Variants in ZNF560 observed in about 807,000 individuals in gnomAD.
ZNF560 encodes the protein zinc finger protein 560.
A neutral mutation model predicts 81.8 loss-of-function variants in ZNF560; 54 were observed. The ratio of observed to expected loss-of-function variants is 0.66; its 90% CI spans 0.53 to 0.83. The LOEUF (loss-of-function observed/expected upper bound fraction) is 0.83, where lower values mean the gene tolerates loss of function less well. Ranked by LOEUF, ZNF560 falls within the 40% of genes least tolerant of loss-of-function variation. The probability of loss-of-function intolerance (pLI) is 0.00; values close to 1 mark genes in which losing one functional copy is unlikely to be tolerated. For missense variants in ZNF560, 940 were observed against 932.4 expected, an observed-to-expected ratio of 1.01 and a Z score of -0.11; for synonymous variants, 321 against 317.9, an observed-to-expected ratio of 1.01 and a Z score of -0.10.
chr19:9,496,174 G>A (rs551750968), intron 2 of ZNF560, among the ~76,000 whole-genome samples: 22 of 152,062 alleles, frequency 1.4e-4, no homozygotes, highest in East Asian at 7.8e-4. Context: ...GAACGTTGCC[G>A]GGGAACAAGA....
chr19:9,462,694 T>A (rs1187015951), downstream of ZNF560, among the ~76,000 whole-genome samples: 1 of 152,182 alleles, frequency 6.6e-6, no homozygotes, highest in Non-Finnish European at 1.5e-5. Flanking sequence ...TCCATTATAC[T>A]CAAACTGCAT....
chr19:9,500,013 A>G (rs1290433070), upstream of ZNF560, among the ~76,000 whole-genome samples: 1 of 152,186 alleles, frequency 6.6e-6, no homozygotes, highest in East Asian at 1.9e-4. Context: ...AATATCACCT[A>G]TAAATATATT....
chr19:9,471,405 T>G lies in ZNF560; in HGVS notation c.239-27A>C, dbSNP rs752581132. On this transcript the variant is annotated intron_variant, in intron 5 of 9. Coordinates refer to ENST00000301480, the MANE Select transcript of ZNF560 (RefSeq NM_152476.3). ...TGAAACAAAAACATAAACTGAGGTT[T>G]TTTTTTTTTTTAAAAAAAAAGGTAA... 61 of 1,430,542 alleles carry G rather than the reference T, an allele frequency of 4.3e-5. No individual in the cohort carries two copies. In the African/African-American group the frequency reaches 7.6e-4, roughly 18 times the overall value. The allele number at this position is 1,430,542 out of a possible 1,614,324, so 88.6% of individuals were successfully genotyped here.
intron 2 of ZNF560, among the ~76,000 whole-genome samples, chr19:9,477,671 T>A (rs1368301903): frequency 6.6e-6 from 1 of 152,186 alleles, no homozygotes. Context: ...ATTTGATGGG[T>A]CTTCTCAGAA....
chr19:9,476,547 C>T (rs546800793), intron 2 of ZNF560, among the ~76,000 whole-genome samples: 2 of 152,228 alleles, frequency 1.3e-5, no homozygotes, highest in Non-Finnish European at 2.9e-5. Context: ...GCCTTGGCCT[C>T]CCAAAGTGCT....
In ZNF560 at chr19:9,467,865, G is replaced by A. The variant is rs1309393657; in HGVS notation, c.1082C>T (p.Thr361Ile). 7.4e-6 allele frequency: 12 copies of A among 1,614,064 alleles called. 1 individual carries two copies. The highest frequency in any genetic ancestry group is 1.7e-5 in the Admixed American group (1 of 60,004). The change falls in exon 10 of 10, where the codon ACC becomes ATC. Residue 361 changes from threonine (T) to isoleucine (I), a missense_variant. By Grantham distance (89) the Thr-to-Ile change is moderately conservative. Coordinates refer to ENST00000301480, the MANE Select transcript of ZNF560 (RefSeq NM_152476.3). ...KECGKDFRYP[T>I]HLNNHMQTHI... ...GGTTTGCATGTGATTATTAAGGTGG[G>A]TAGGGTATCTAAAATCTTTTCCACA...
At chr19:9,483,523 C>T (rs1388059224) in intron 2 of ZNF560, among the ~76,000 whole-genome samples, 7 of 143,156 alleles carry the variant, frequency 4.9e-5, no homozygotes, top group African/African-American at 1.0e-4. Context: ...CCGCCCCGTC[C>T]GGGAGGGGGG....
At chr19:9,487,823 A>G (rs1437756645) in intron 2 of ZNF560, among the ~76,000 whole-genome samples, 1 of 152,242 alleles carries the variant, frequency 6.6e-6, no homozygotes, top group South Asian at 2.1e-4. Context: ...CCTGTTTGTT[A>G]GAATGCTGAG....
chr19:9,495,089 G>A (rs549012646), intron 2 of ZNF560, among the ~76,000 whole-genome samples: 11 of 152,148 alleles, frequency 7.2e-5, no homozygotes, highest in South Asian at 4.1e-4. Context: ...GGAGCAAGCC[G>A]AGGTTGCACC....
chr19:9,485,545 A>G (rs2073372182), intron 2 of ZNF560, among the ~76,000 whole-genome samples: 1 of 151,396 alleles, frequency 6.6e-6, no homozygotes, highest in East Asian at 2.0e-4. Context: ...ACATTAACCA[A>G]AAGATTTTTT....
chr19:9,505,013 A>C, the ZNF560 span, among the ~76,000 whole-genome samples: 1 of 152,208 alleles, frequency 6.6e-6, no homozygotes, highest in African/African-American at 2.4e-5. Context: ...TGAACCTGGG[A>C]GGTGGAGGTT....
At chr19:9,478,615 A>G (rs946374323) in intron 2 of ZNF560, among the ~76,000 whole-genome samples, 37 of 152,196 alleles carry the variant, frequency 2.4e-4, no homozygotes, top group Non-Finnish European at 4.9e-4. Context: ...CAATATAAAA[A>G]TATGTAAATT....
downstream of ZNF560, among the ~76,000 whole-genome samples, chr19:9,462,821 G>A (rs1008411599): frequency 2.0e-5 from 3 of 152,154 alleles, no homozygotes; most frequent in Non-Finnish European, 2.9e-5. Context: ...TCAAGGGCAA[G>A]TACAGTCAGT....
At chr19:9,497,534 CAAA>C (rs58468618) in intron 2 of ZNF560, among the ~76,000 whole-genome samples, 106 of 67,536 alleles carry the variant, frequency 1.6e-3, no homozygotes, top group African/African-American at 4.3e-3. Context: ...GACCCCCTCT[CAAA>C]AAAAAAAAAA....
At chr19:9,486,095 G>A (rs1052091560) in intron 2 of ZNF560, among the ~76,000 whole-genome samples, 1 of 152,066 alleles carries the variant, frequency 6.6e-6, no homozygotes, top group Non-Finnish European at 1.5e-5. Flanking sequence ...CTATTGCCAG[G>A]GTCCCTTCTT....
chr19:9,464,245 T>C (rs922125005), downstream of ZNF560, among the ~76,000 whole-genome samples: 1 of 152,208 alleles, frequency 6.6e-6, no homozygotes, highest in Non-Finnish European at 1.5e-5. Flanking sequence ...ACAGGAGTTT[T>C]TCTGTTTTCA....
At chr19:9,456,132 C>A in the ZNF560 span, among the ~76,000 whole-genome samples, 1 of 152,186 alleles carries the variant, frequency 6.6e-6, no homozygotes, top group African/African-American at 2.4e-5. Context: ...CAGACCACTC[C>A]CTCACCCCTG....
At chr19:9,476,283 G>A (rs2073200725) in intron 2 of ZNF560, among the ~76,000 whole-genome samples, 1 of 151,878 alleles carries the variant, frequency 6.6e-6, no homozygotes, top group South Asian at 2.1e-4. Flanking sequence ...ATCTGATGGT[G>A]GGTTTTTTTT....
At chr19:9,496,763 C>T (rs1339251968) in intron 2 of ZNF560, among the ~76,000 whole-genome samples, 1 of 151,464 alleles carries the variant, frequency 6.6e-6, no homozygotes, top group Non-Finnish European at 1.5e-5. Context: ...TGGTGAAACC[C>T]CATCTCCACT....
Sources: gnomAD v4.1 joint callset for allele counts (sites outside exome capture counted in the v4.1 genomes callset) on GRCh38, gnomAD v4.1.1 for gene constraint, MANE v1.5 for transcripts, NCBI Gene and HGNC (gene_info 2026-07-23, HGNC 2026-07-21) for gene names.